Variants in DNAH7 observed in about 807,000 individuals in gnomAD.
The protein encoded by DNAH7 is dynein axonemal heavy chain 7.
In DNAH7, 397 loss-of-function variants were observed where a neutral mutation model predicts 444.6. That is an observed-to-expected ratio of 0.89 (90% CI 0.82 to 0.97). DNAH7 has a LOEUF of 0.97. Among genes scored for constraint, DNAH7 ranks in the 50% least tolerant of loss-of-function variants. DNAH7 has a pLI of 0.00. For missense variants in DNAH7, 4,902 were observed against 4,800.8 expected, an observed-to-expected ratio of 1.02 and a Z score of -0.62; for synonymous variants, 1,636 against 1,624.4, an observed-to-expected ratio of 1.01 and a Z score of -0.17.
intron 9 of DNAH7, among the ~76,000 whole-genome samples, chr2:196,013,927 C>T (rs1694860581): frequency 6.6e-6 from 1 of 152,168 alleles, no homozygotes; most frequent in Non-Finnish European, 1.5e-5. Context: ...GTAGTAGTTG[C>T]AAGGGCACAA....
At position 195,808,662 on chromosome 2, in the gene DNAH7, G is replaced by A; in HGVS notation, c.10083+20C>T. 6.2e-7 allele frequency: 1 copy of A among 1,609,680 alleles called. No homozygotes were observed. Among genetic ancestry groups the A allele is most frequent in the Non-Finnish European group, 8.5e-7 (1 of 1,178,516 alleles). ...TCTCCATTTAAAAACATTGGAATAA[G>A]TGAGAGGGTTAAAACATACCAAACT... On this transcript the variant is annotated intron_variant, in intron 53 of 64. Coordinates refer to ENST00000312428, the MANE Select transcript of DNAH7 (RefSeq NM_018897.3).
rs1361422076 is a variant in DNAH7 at position 196,068,688 on chromosome 2, C to A, written c.15+9G>T. ...CGGCGGCGAGCCTGGCAAAGAGCAG[C>A]CCTCTCACCTGCTCACTGCTCATGG... is the stretch of plus-strand genomic sequence containing the variant. On this transcript the variant is annotated intron_variant, in intron 1 of 64. Coordinates refer to ENST00000312428, the MANE Select transcript of DNAH7 (RefSeq NM_018897.3). 6.4e-7 allele frequency: 1 copy of A among 1,551,198 alleles called. No homozygotes were observed. Among genetic ancestry groups the A allele is most frequent in the Non-Finnish European group, 8.7e-7 (1 of 1,147,118 alleles).
chr2:196,050,285 G>T (rs1697382235), intron 3 of DNAH7, among the ~76,000 whole-genome samples: 1 of 152,050 alleles, frequency 6.6e-6, no homozygotes, highest in Admixed American at 6.6e-5. Flanking sequence ...GAAATACCTA[G>T]AGTAGTCAAA....
chr2:195,949,028 C>T (rs1690027122), intron 19 of DNAH7, among the ~76,000 whole-genome samples: 1 of 152,014 alleles, frequency 6.6e-6, no homozygotes, highest in Non-Finnish European at 1.5e-5. Flanking sequence ...AAGTTGTATT[C>T]CTAGGTATTT....
chr2:195,876,476 T>C (rs1701063139), intron 37 of DNAH7, 68 bp downstream of exon 37: 2 of 1,434,178 alleles, frequency 1.4e-6, no homozygotes, highest in Admixed American at 2.2e-5. Flanking sequence ...CCCAGGATAT[T>C]TGGTTTCCTT....
intron 49 of DNAH7, among the ~76,000 whole-genome samples, chr2:195,823,073 A>T (rs539387141): frequency 6.6e-6 from 1 of 152,326 alleles, no homozygotes; most frequent in Non-Finnish European, 1.5e-5. Context: ...CAAATCGCAC[A>T]CCTGGCAAGT....
Position 195,960,729 on chromosome 2 carries a change from A to C in DNAH7, c.2422T>G (p.Tyr808Asp). ...ADIGNYWRGL[Y>D]KLEKTFHDSP... ...TCATGAAAGGTTTTCTCCAGTTTATATAATCCTCTCCAGTAATTTCCAATA... is the reference window on the plus strand; with the variant it reads ...TCATGAAAGGTTTTCTCCAGTTTATCTAATCCTCTCCAGTAATTTCCAATA... The change falls in exon 18 of 65, where the codon TAT becomes GAT. Residue 808 changes from tyrosine (Y) to aspartate (D), a missense_variant. Coordinates refer to ENST00000312428, the MANE Select transcript of DNAH7 (RefSeq NM_018897.3). 6.2e-7 allele frequency: 1 copy of C among 1,614,186 alleles called. No homozygotes were observed. Among genetic ancestry groups the C allele is most frequent in the Non-Finnish European group, 8.5e-7 (1 of 1,180,014 alleles).
rs565633874 is a variant in DNAH7, at chr2:196,007,624, G to T, written c.989+5163C>A. On this transcript the variant is annotated intron_variant, in intron 10 of 64. Transcript: ENST00000312428. ...AAAGCTGAGACCAGTGGAGATAATT[G>T]AATCACAGGGGCAGTTTCCCCTGTA... is the stretch of plus-strand genomic sequence containing the variant. Among the ~76,000 whole-genome samples the T allele has an allele frequency of 1.4e-3, 208 of 152,230 alleles. 2 individuals are homozygous for T. The highest frequency in any genetic ancestry group is 4.8e-3 in the African/African-American group (200 of 41,542).
chr2:195,936,855 ATATTAT>A lies in DNAH7; in HGVS notation c.3079-69_3079-64del, dbSNP rs1689089921. ...TTAGATACTAACTCTATTTATATTC[ATATTAT>A]ATTTGAGATTATATGTTTGTAATCA... On this transcript the variant is annotated intron_variant, in intron 19 of 64. Transcript: ENST00000312428. 15 of 1,171,120 alleles carry A rather than the reference ATATTAT, an allele frequency of 1.3e-5. No homozygotes were observed. In the South Asian group the frequency reaches 3.0e-4, roughly 23 times the overall value. The allele number at this position is 1,171,120 out of a possible 1,614,324, so 72.5% of individuals were successfully genotyped here.
chr2:195,980,284 C>T (rs545572934), intron 15 of DNAH7, among the ~76,000 whole-genome samples: 1 of 152,008 alleles, frequency 6.6e-6, no homozygotes, highest in East Asian at 1.9e-4. Flanking sequence ...GCTTTTCCAC[C>T]GGGCTTCATT....
At chr2:195,891,569 A>G in intron 31 of DNAH7, 86 bp downstream of exon 31, 4 of 1,173,512 alleles carry the variant, frequency 3.4e-6, no homozygotes, top group Non-Finnish European at 4.6e-6. Context: ...AGATACAATT[A>G]GTTTGTTTGA....
chr2:195,784,070 A>T (rs1695505961), intron 58 of DNAH7, among the ~76,000 whole-genome samples: 1 of 152,152 alleles, frequency 6.6e-6, no homozygotes, highest in African/African-American at 2.4e-5. Context: ...CGTCTTACAA[A>T]TGATGAGCCT....
At chr2:195,931,127 G>A (rs1422472815) in intron 21 of DNAH7, among the ~76,000 whole-genome samples, 5 of 152,050 alleles carry the variant, frequency 3.3e-5, no homozygotes, top group Non-Finnish European at 1.5e-5. Flanking sequence ...CCAAACCTCA[G>A]AATCACACGA....
At chr2:195,885,859 A>C (rs1346342756) in intron 34 of DNAH7, among the ~76,000 whole-genome samples, 2 of 152,172 alleles carry the variant, frequency 1.3e-5, no homozygotes, top group Non-Finnish European at 2.9e-5. Context: ...TTGGGAATGG[A>C]TCATGTCTAA....
chr2:196,027,453 T>G (rs552504332), intron 6 of DNAH7, among the ~76,000 whole-genome samples: 195 of 151,930 alleles, frequency 1.3e-3, no homozygotes, highest in African/African-American at 4.6e-3. Flanking sequence ...AAGTTATTAT[T>G]TCTATAATAA....
At chr2:195,810,132 T>C (rs1178927094) in intron 51 of DNAH7, among the ~76,000 whole-genome samples, 1 of 152,134 alleles carries the variant, frequency 6.6e-6, no homozygotes, top group Non-Finnish European at 1.5e-5. Context: ...GTGGATGGTA[T>C]ATTAATCTGT....
rs780374256 is a variant in DNAH7 at position 195,824,290 on chromosome 2, T to C, written c.9256A>G (p.Arg3086Gly). Residue 3086 changes from arginine to glycine, a missense_variant, in exon 49 of 65, where the codon AGA (arginine) becomes GGA (glycine). Physicochemically the swap from Arg to Gly is moderately radical, Grantham distance 125. Coordinates refer to ENST00000312428, the MANE Select transcript of DNAH7 (RefSeq NM_018897.3). ...GTTTCAGGAAGATAATGAGGATTTCTTAACTTGGTAGTAATATAGAAGCGG... is the reference window on the plus strand; with the variant it reads ...GTTTCAGGAAGATAATGAGGATTTCCTAACTTGGTAGTAATATAGAAGCGG... ...DFRFYITTKL[R>G]NPHYLPETSV... The C allele has an allele frequency of 6.2e-7, 1 of 1,613,496 alleles. No homozygotes were observed. The highest frequency in any genetic ancestry group is 1.1e-5 in the South Asian group (1 of 90,904).
At chr2:195,852,903 CACACACACACACAG>C (rs1271113760) in intron 46 of DNAH7, among the ~76,000 whole-genome samples, 1 of 124,520 alleles carries the variant, frequency 8.0e-6, no homozygotes, top group Non-Finnish European at 1.7e-5. Flanking sequence ...CACACACACA[CACACACACACACAG>C]AGAGAGAGAG....
At chr2:195,912,366 T>C (rs149969306) in intron 24 of DNAH7, among the ~76,000 whole-genome samples, 19 of 152,318 alleles carry the variant, frequency 1.2e-4, no homozygotes, top group African/African-American at 4.3e-4. Flanking sequence ...CTTCTCCTGA[T>C]GGCAGAATGG....
Sources: allele counts gnomAD v4.1 joint callset (sites outside exome capture counted in the v4.1 genomes callset), GRCh38; gene constraint gnomAD v4.1.1; transcripts MANE v1.5; gene names NCBI Gene and HGNC (gene_info 2026-07-23, HGNC 2026-07-21).